GYS1: variants seen among roughly 807,000 people sequenced by gnomAD.
The protein encoded by GYS1 is glycogen [starch] synthase, muscle.
GYS1 carries 60 observed loss-of-function variants against 89.1 expected under a neutral mutation model. That is an observed-to-expected ratio of 0.67 (90% CI 0.55 to 0.84). The LOEUF (loss-of-function observed/expected upper bound fraction) is 0.84. Ranked by LOEUF, GYS1 falls within the 40% of genes least tolerant of loss-of-function variation. The probability of loss-of-function intolerance (pLI) is 0.00; values close to 1 mark genes in which losing one functional copy is unlikely to be tolerated. For synonymous variants in GYS1, 366 were observed against 401.7 expected (o/e 0.91, Z 1.06); for missense variants, 888 against 1,003.1 (o/e 0.89, Z 1.55).
intron 2 of GYS1, among the ~76,000 whole-genome samples, chr19:48,989,029 CTCCT>C (rs148925681): frequency 0.012 from 1,830 of 152,056 alleles, 31 homozygotes; most frequent in African/African-American, 0.037. Context: ...AGTCCACAGC[CTCCT>C]TCCTTCCTTC....
intron 2 of GYS1, among the ~76,000 whole-genome samples, chr19:48,990,588 T>C (rs145290220): frequency 2.6e-5 from 4 of 152,160 alleles, no homozygotes; most frequent in African/African-American, 7.2e-5. Context: ...GCCCACACAA[T>C]GTGCTACCTT....
In GYS1 at chr19:48,985,910, G is replaced by A; in HGVS notation, c.618C>T (p.Ala206=). ...CACACAGGTAGCGCCCCAGCAGCGT[G>A]GCATGGGTGGTGAAGATGGTTGCTA... is the stretch of plus-strand genomic sequence containing the variant. ...LPVATIFTTH[A]TLLGRYLCAG... is the part of the protein sequence containing the mutation. The change falls in exon 4 of 16, where the codon GCC becomes GCT. Residue 206 remains alanine, a synonymous_variant. Transcript: ENST00000323798. The A allele has an allele frequency of 1.9e-6, 3 of 1,614,152 alleles. No individual in the cohort carries two copies. The South Asian group carries it at 3.3e-5, about 18-fold the overall frequency.
chr19:48,985,815 C>T, intron 4 of GYS1, 35 bp downstream of exon 4: 1 of 1,607,926 alleles, frequency 6.2e-7, no homozygotes, highest in Non-Finnish European at 8.5e-7. Flanking sequence ...TCCTGGCATA[C>T]TCGCAGTCCC....
rs751360196 is a variant in GYS1, at chr19:48,993,229, A to G, written c.-117T>C. On this transcript the variant is annotated 5_prime_UTR_variant, in exon 1 of 16. Coordinates refer to ENST00000323798, the MANE Select transcript of GYS1 (RefSeq NM_002103.5). Reference sequence around the variant, plus strand: ...GCTGGTGCCCGACGGGAAGCTTGCAAGACGCTCGGCTTCCTATTGCAAGAC... The same window carrying G: ...GCTGGTGCCCGACGGGAAGCTTGCAGGACGCTCGGCTTCCTATTGCAAGAC... 1.0e-5 allele frequency: 8 copies of G among 764,372 alleles called. No individual in the cohort carries two copies. Among genetic ancestry groups the G allele is most frequent in the African/African-American group, 1.7e-5 (1 of 58,998 alleles). The allele number at this position is 764,372 out of a possible 1,614,324, so 47.3% of individuals were successfully genotyped here.
At position 48,991,201 on chromosome 19, in the gene GYS1, C is replaced by T; in HGVS notation, c.300+101G>A. ...TTCCTGTGTCCAAGCCTGCCTCGCT[C>T]TCTGGCTGGGGCTGTCCACCCTGCA... On this transcript the variant is annotated intron_variant, in intron 2 of 15. Transcript: ENST00000323798. The surrounding 1 kb of genome is among the most constrained non-coding windows in gnomAD (Gnocchi z 4.7). 7.7e-7 allele frequency: 1 copy of T among 1,302,320 alleles called. No individual in the cohort carries two copies. The highest frequency in any genetic ancestry group is 1.1e-6 in the Non-Finnish European group (1 of 907,262). 80.7% of individuals were successfully genotyped at this position (1,302,320 alleles called of 1,614,324 possible).
chr19:48,991,634 G>A lies in GYS1; in HGVS notation c.119-151C>T. ...ACTGGGAGCCCATAGTTTGGAGTAG[G>A]GGTTGGAAGCTTGGATGAGGGGAAC... On this transcript the variant is annotated intron_variant, in intron 1 of 15. Transcript: ENST00000323798. The surrounding 1 kb of genome is among the most constrained non-coding windows in gnomAD (Gnocchi z 4.7). 1 of 795,916 alleles carries A rather than the reference G, an allele frequency of 1.3e-6. No homozygotes were observed. The allele number at this position is 795,916 out of a possible 1,614,324, so 49.3% of individuals were successfully genotyped here.
chr19:48,977,329 AC>A (rs770591637), intron 10 of GYS1, among the ~76,000 whole-genome samples: 10 of 152,190 alleles, frequency 6.6e-5, no homozygotes, highest in Non-Finnish European at 1.2e-4. Context: ...ACAGGGACTC[AC>A]GCTTGTAAAC....
chr19:48,978,609 G>A (rs995212423), intron 8 of GYS1, among the ~76,000 whole-genome samples: 1 of 151,078 alleles, frequency 6.6e-6, no homozygotes, highest in African/African-American at 2.4e-5. Flanking sequence ...TTGGCTCACT[G>A]CAACCTCTGC....
At position 48,977,929 on chromosome 19, in the gene GYS1, T is replaced by C. The variant is rs775775270; in HGVS notation, c.1303A>G (p.Thr435Ala). The C allele has an allele frequency of 3.7e-5, 60 of 1,612,734 alleles. No homozygotes were observed. Among genetic ancestry groups the C allele is most frequent in the Non-Finnish European group, 4.8e-5 (56 of 1,178,852 alleles). Reference protein sequence around the residue: ...FTMMKRAIFATQRQSFPPVCT... With the variant: ...FTMMKRAIFAAQRQSFPPVCT... ...CACAGAGGTCCAATCCATACCTGCGTTGCAAAGATGGCTCTCTTCATCATA... is the reference window on the plus strand; with the variant it reads ...CACAGAGGTCCAATCCATACCTGCGCTGCAAAGATGGCTCTCTTCATCATA... Residue 435 changes from threonine to alanine, a missense_variant, in exon 10 of 16, where the codon ACG (threonine) becomes GCG (alanine). By Grantham distance (58) the Thr-to-Ala change is moderately conservative. Transcript: ENST00000323798.
At position 48,993,307 on chromosome 19, in the gene GYS1, A is replaced by T. The variant is rs2038974225; in HGVS notation, c.-195T>A. ...CTAGGCAGAAGGAGGCCGCAGCGTC[A>T]CTGAGCCCACTGGCGCCCCTGCAGT... On this transcript the variant is annotated 5_prime_UTR_variant, in exon 1 of 16. Transcript: ENST00000323798. 6.2e-6 allele frequency: 4 copies of T among 640,452 alleles called. No individual in the cohort carries two copies. Among genetic ancestry groups the T allele is most frequent in the Non-Finnish European group, 1.2e-5 (4 of 343,994 alleles). 39.7% of individuals were successfully genotyped at this position (640,452 alleles called of 1,614,324 possible). A position where few individuals can be genotyped will look rare whatever the true frequency, so the allele number is the denominator to read the frequency against.
At position 48,968,653 on chromosome 19, in the gene GYS1, A is replaced by G; in HGVS notation, c.*635T>C. On this transcript the variant is annotated 3_prime_UTR_variant, in exon 16 of 16. Coordinates refer to ENST00000323798, the MANE Select transcript of GYS1 (RefSeq NM_002103.5). The stretch of plus-strand genomic sequence containing the variant: ...TGGTTCTACCACCTCTTGCTTGGCC[A>G]AAGTGTAGGGGATGACAGGAGCCGG... The G allele has an allele frequency of 2.2e-6, 1 of 454,220 alleles. No individual in the cohort carries two copies. Among genetic ancestry groups the G allele is most frequent in the Non-Finnish European group, 4.4e-6 (1 of 226,800 alleles). 28.1% of individuals were successfully genotyped at this position (454,220 alleles called of 1,614,324 possible). A position where few individuals can be genotyped will look rare whatever the true frequency, so the allele number is the denominator to read the frequency against.
At chr19:48,975,911 CAAAAAAAAAAAAA>C (rs760164673) in intron 10 of GYS1, among the ~76,000 whole-genome samples, 2 of 41,362 alleles carry the variant, frequency 4.8e-5, no homozygotes, top group African/African-American at 8.8e-5. Flanking sequence ...GACTCCGTCT[CAAAAAAAAAAAAA>C]AAAAAAAAAA....
At chr19:48,973,780 G>A (rs550937664) in intron 12 of GYS1, among the ~76,000 whole-genome samples, 1 of 152,188 alleles carries the variant, frequency 6.6e-6, no homozygotes, top group Non-Finnish European at 1.5e-5. Context: ...GCCTCCCCAA[G>A]TGCTGGGATT....
In GYS1 at chr19:48,970,549, G is replaced by GC. The variant is rs1349127361; in HGVS notation, c.1805dup (p.Arg603ProfsTer56). On this transcript the variant is annotated frameshift_variant, in exon 14 of 16. Coordinates refer to ENST00000323798, the MANE Select transcript of GYS1 (RefSeq NM_002103.5). LOFTEE classifies it high-confidence loss of function. Reference sequence around the variant, plus strand: ...GATAGGAAAGTGGGGGTCCTACCCGGCCTAGGTATTTCCAGTCCAGAAGGT... The same window carrying GC: ...GATAGGAAAGTGGGGGTCCTACCCGGCCCTAGGTATTTCCAGTCCAGAAGGT... 1 of 1,613,160 alleles carries GC rather than the reference G, an allele frequency of 6.2e-7. No individual in the cohort carries two copies. Among genetic ancestry groups the GC allele is most frequent in the East Asian group, 2.2e-5 (1 of 44,902 alleles).
Position 48,974,215 on chromosome 19 carries a change from G to C in GYS1, c.1547C>G (p.Pro516Arg). ...TGTCCCCTGCCCACTACACTCACCC[G>C]GTGTGTAGCCCCAAGGCTCATAGTA... is the stretch of plus-strand genomic sequence containing the variant. The part of the protein sequence containing the change: ...PSYYEPWGYT[P>R]AECTVMGIPS... The change falls in exon 12 of 16, where the codon CCG (proline) becomes CGG (arginine). Residue 516 changes from proline (P) to arginine (R), a missense_variant and splice_region_variant. Transcript: ENST00000323798. The C allele has an allele frequency of 6.2e-7, 1 of 1,600,942 alleles. No individual in the cohort carries two copies. Among genetic ancestry groups the C allele is most frequent in the Non-Finnish European group, 8.5e-7 (1 of 1,173,380 alleles).
At chr19:48,970,250 C>T (rs969155906) in intron 14 of GYS1, 8 of 469,934 alleles carry the variant, frequency 1.7e-5, no homozygotes, top group Non-Finnish European at 3.1e-5. Flanking sequence ...TCAGCCTCCC[C>T]AGTAGCTGGG....
intron 2 of GYS1, among the ~76,000 whole-genome samples, chr19:48,989,880 C>T (rs1021478463): frequency 1.3e-5 from 2 of 151,886 alleles, no homozygotes; most frequent in African/African-American, 4.8e-5. Context: ...GGCTTTGGTT[C>T]TGGGCCTGCT....
At position 48,988,264 on chromosome 19, in the gene GYS1, CCACATTT is replaced by C. The variant is rs544271733; in HGVS notation, c.301-886_301-880del. Among the ~76,000 whole-genome samples, 15 of 152,322 alleles carry C rather than the reference CCACATTT, an allele frequency of 9.8e-5. 1 individual carries two copies. The East Asian group carries it at 1.4e-3, about 14-fold the overall frequency. Reference sequence around the variant, plus strand: ...TGCTGCCTTGTTTCTGTACTTGCTGCCACATTTCTCTTACCAACCATCTGCATCTCCC... The same window carrying C: ...TGCTGCCTTGTTTCTGTACTTGCTGCCTCTTACCAACCATCTGCATCTCCC... On this transcript the variant is annotated intron_variant, in intron 2 of 15. Transcript: ENST00000323798.
intron 8 of GYS1, 67 bp from the exon 9 acceptor site, chr19:48,978,224 T>TA (rs1273416169): frequency 1.5e-6 from 2 of 1,338,652 alleles, no homozygotes; most frequent in African/African-American, 2.9e-5. Flanking sequence ...CTTCTTTAGT[T>TA]AGTTTGTTTG....
Sources: gnomAD v4.1 joint callset for allele counts (sites outside exome capture counted in the v4.1 genomes callset) on GRCh38, gnomAD v4.1.1 for gene constraint, Gnocchi (gnomAD v3.1) non-coding constraint, MANE v1.5 for transcripts, NCBI Gene and HGNC (gene_info 2026-07-23, HGNC 2026-07-21) for gene names.